The following YAE1 variants were observed in gnomAD, a reference collection of about 807,000 sequenced individuals.
YAE1 encodes the protein YAE1 maturation factor of ABCE1, also known as protein YAE1 homolog.
Under a neutral mutation model 23.0 loss-of-function variants are expected in YAE1, and 22 were observed. That is an observed-to-expected ratio of 0.96 (90% CI 0.68 to 1.37). The LOEUF is 1.37. YAE1 is among the 40% of genes most tolerant of loss of function. The probability of loss-of-function intolerance (pLI) is 0.00; values close to 1 mark genes in which losing one functional copy is unlikely to be tolerated. For missense variants in YAE1, 260 were observed against 262.1 expected (o/e 0.99, Z 0.06); for synonymous variants, 101 against 97.0 (o/e 1.04, Z -0.24).
At chr7:39,587,276 C>T (rs923600232) in intron 2 of YAE1, among the ~76,000 whole-genome samples, 1 of 151,682 alleles carries the variant, frequency 6.6e-6, no homozygotes, top group African/African-American at 2.4e-5. Flanking sequence ...AGGCTGGTCT[C>T]GAACTCCTGA....
At chr7:39,569,507 T>C in intron 1 of YAE1, 1 of 498,016 alleles carries the variant, frequency 2.0e-6, no homozygotes, top group Non-Finnish European at 3.9e-6. Context: ...CTTCCTCCAG[T>C]TTTTTCAAAG....
downstream of YAE1, among the ~76,000 whole-genome samples, chr7:39,577,810 G>T (rs761533478): frequency 9.2e-5 from 14 of 152,252 alleles, no homozygotes; most frequent in Non-Finnish European, 1.6e-4. Flanking sequence ...CTGGGAGGCA[G>T]CTCCGCCTGC....
intron 2 of YAE1, among the ~76,000 whole-genome samples, chr7:39,583,570 T>A (rs1320543810): frequency 6.6e-6 from 1 of 152,262 alleles, no homozygotes; most frequent in African/African-American, 2.4e-5. Context: ...ATTTATTTGG[T>A]TCTCCACATT....
chr7:39,579,076 AAG>A (rs769606309), intron 2 of YAE1, among the ~76,000 whole-genome samples: 6 of 152,328 alleles, frequency 3.9e-5, no homozygotes, highest in Admixed American at 6.5e-5. Flanking sequence ...CTGGAGGAAA[AAG>A]AGAGGGGAAG....
downstream of YAE1, among the ~76,000 whole-genome samples, chr7:39,575,672 A>T (rs1790648135): frequency 6.6e-6 from 1 of 152,134 alleles, no homozygotes. Flanking sequence ...ACTTTACCGC[A>T]ACAGTTGCCT....
At chr7:39,575,439 A>G (rs963832068), downstream of YAE1, among the ~76,000 whole-genome samples, 4 of 152,030 alleles carry the variant, frequency 2.6e-5, no homozygotes, top group Non-Finnish European at 4.4e-5. Flanking sequence ...TGGGAAACCA[A>G]AATAAAAGCC....
chr7:39,582,968 A>G (rs970074451), intron 2 of YAE1, among the ~76,000 whole-genome samples: 5 of 152,236 alleles, frequency 3.3e-5, no homozygotes, highest in Non-Finnish European at 4.4e-5. Context: ...ATTTATATAC[A>G]TTTACGTAAA....
chr7:39,604,979 C>T (rs1343730671), intron 2 of YAE1, among the ~76,000 whole-genome samples: 1 of 152,138 alleles, frequency 6.6e-6, no homozygotes, highest in Non-Finnish European at 1.5e-5. Context: ...TGAGTAGTTC[C>T]AAAGGTTAGA....
At chr7:39,590,558 CATA>C (rs1288863722) in intron 2 of YAE1, among the ~76,000 whole-genome samples, 1 of 152,122 alleles carries the variant, frequency 6.6e-6, no homozygotes, top group Non-Finnish European at 1.5e-5. Context: ...TTTGCATAAA[CATA>C]ATGAGATAAA....
downstream of YAE1, among the ~76,000 whole-genome samples, chr7:39,575,581 AGTGT>A (rs1179474179): frequency 2.8e-5 from 3 of 105,438 alleles, no homozygotes; most frequent in Admixed American, 8.5e-5. Flanking sequence ...AGAGAGAGTG[AGTGT>A]GTGTGTGTGT....
downstream of YAE1, among the ~76,000 whole-genome samples, chr7:39,574,204 G>T (rs1217533809): frequency 6.6e-6 from 1 of 152,288 alleles, no homozygotes; most frequent in South Asian, 2.1e-4. Context: ...GCTACATATG[G>T]TGTGTTTGTA....
At position 39,572,345 on chromosome 7, in the gene YAE1, T is replaced by C. The variant is rs754392351; in HGVS notation, c.320T>C (p.Leu107Pro). Residue 107 changes from leucine to proline, a missense_variant, in exon 3 of 3, where the codon CTG becomes CCG. Transcript: ENST00000223273. Reference protein sequence around the residue: ...STLINKINNLLDAVGQCEEYV... With the variant: ...STLINKINNLPDAVGQCEEYV... The stretch of plus-strand genomic sequence containing the variant: ...TTGATCAATAAAATAAACAATCTTC[T>C]GGATGCAGTTGGCCAGTGTGAAGAG... 4 of 1,614,090 alleles carry C rather than the reference T, an allele frequency of 2.5e-6. No individual in the cohort carries two copies. The East Asian group carries it at 8.9e-5, about 36-fold the overall frequency.
At chr7:39,591,033 G>T (rs888766994) in intron 2 of YAE1, among the ~76,000 whole-genome samples, 1 of 152,178 alleles carries the variant, frequency 6.6e-6, no homozygotes, top group Admixed American at 6.5e-5. Context: ...GTGTTGGCAG[G>T]CTTGGTTCCT....
chr7:39,584,477 TTAAC>T (rs781395552), intron 2 of YAE1, among the ~76,000 whole-genome samples: 4 of 152,036 alleles, frequency 2.6e-5, no homozygotes, highest in Non-Finnish European at 1.5e-5. Flanking sequence ...AAGCCTGTAA[TTAAC>T]TATATTTTAA....
downstream of YAE1, among the ~76,000 whole-genome samples, chr7:39,610,489 A>G (rs959139663): frequency 1.3e-5 from 2 of 152,224 alleles, no homozygotes; most frequent in African/African-American, 4.8e-5. Context: ...CATCCAGTAA[A>G]TAGTCATACC....
chr7:39,595,361 G>A (rs1194987378), intron 2 of YAE1, among the ~76,000 whole-genome samples: 1 of 151,978 alleles, frequency 6.6e-6, no homozygotes, highest in African/African-American at 2.4e-5. Context: ...GAGTTAAGGG[G>A]ATTTGAGTTC....
chr7:39,566,651 T>A (rs1167216646), intron 1 of YAE1, 104 bp downstream of exon 1: 2 of 1,493,030 alleles, frequency 1.3e-6, no homozygotes, highest in Non-Finnish European at 1.8e-6. Context: ...GGCGCTGCTC[T>A]CTTTATCCCT....
At chr7:39,566,581 T>A in intron 1 of YAE1, 34 bp downstream of exon 1, 1 of 1,610,564 alleles carries the variant, frequency 6.2e-7, no homozygotes, top group Non-Finnish European at 8.5e-7. Flanking sequence ...GGGTGCTGGG[T>A]TGTGGGAAGA....
downstream of YAE1, among the ~76,000 whole-genome samples, chr7:39,610,776 G>A (rs531680303): frequency 9.2e-5 from 14 of 152,282 alleles, no homozygotes; most frequent in East Asian, 1.9e-3. Context: ...TATATAAATT[G>A]TAACAGTGGA....
Sources: allele counts gnomAD v4.1 joint callset (sites outside exome capture counted in the v4.1 genomes callset), GRCh38; gene constraint gnomAD v4.1.1; transcripts MANE v1.5; gene names NCBI Gene and HGNC (gene_info 2026-07-23, HGNC 2026-07-21).